Variants in GALNT17 observed in about 807,000 individuals in gnomAD.
The protein encoded by GALNT17 is UDP-GalNAc:polypeptide N-acetylgalactosaminyltransferase-like 3.
In GALNT17, 29 loss-of-function variants were observed where a neutral mutation model predicts 63.7. That is an observed-to-expected ratio of 0.46 (90% confidence interval 0.34 to 0.62). The LOEUF is 0.62. Among genes scored for constraint, GALNT17 ranks in the 20% least tolerant of loss-of-function variants. The pLI, the probability that GALNT17 is intolerant of heterozygous loss-of-function variation, is 0.01. For missense variants in GALNT17, 603 were observed against 799.6 expected (o/e 0.75, Z 2.97); for synonymous variants, 305 against 318.3 (o/e 0.96, Z 0.45).
Position 71,665,551 on chromosome 7 carries a change from C to T in GALNT17, c.1221C>T (p.Asp407=), listed in dbSNP as rs201171037. 7.4e-5 allele frequency: 119 copies of T among 1,613,908 alleles called. No individual in the cohort carries two copies. The highest frequency in any genetic ancestry group is 4.5e-4 in the East Asian group (20 of 44,850). The change falls in exon 7 of 11, where the codon GAC becomes GAT. Residue 407 remains aspartate, a synonymous_variant. Transcript: ENST00000333538. ...NALRVAEVWM[D]DYKSHVYIAW... ...TTCGCGTTGCTGAGGTCTGGATGGA[C>T]GATTACAAGTCTCATGTGTACATAG...
intron 1 of GALNT17, among the ~76,000 whole-genome samples, chr7:71,243,300 A>G (rs144051520): frequency 2.6e-5 from 4 of 152,124 alleles, no homozygotes; most frequent in Non-Finnish European, 4.4e-5. Context: ...TCTTTTCTCT[A>G]TAAATTACCT....
At chr7:71,142,012 C>CTGTGTGTG (rs201770661) in intron 1 of GALNT17, among the ~76,000 whole-genome samples, 4,273 of 124,800 alleles carry the variant, frequency 0.034, 259 homozygotes, top group African/African-American at 0.12. Flanking sequence ...CCACATTTGG[C>CTGTGTGTG]TGTGTGTGTG....
intron 2 of GALNT17, among the ~76,000 whole-genome samples, chr7:71,359,072 G>A (rs928834440): frequency 6.6e-6 from 1 of 152,154 alleles, no homozygotes; most frequent in Admixed American, 6.6e-5. Context: ...TAATTTTGTT[G>A]ATTTGCAATG....
chr7:71,622,340 G>C (rs1790306122), intron 6 of GALNT17, among the ~76,000 whole-genome samples: 2 of 152,174 alleles, frequency 1.3e-5, no homozygotes, highest in South Asian at 2.1e-4. Context: ...ACTCTTCCAA[G>C]TGTTAAGTGC....
At chr7:71,242,255 T>C (rs1397254389) in intron 1 of GALNT17, among the ~76,000 whole-genome samples, 1 of 133,866 alleles carries the variant, frequency 7.5e-6, no homozygotes, top group African/African-American at 3.0e-5. Context: ...TTTTTTTTTT[T>C]TTTTCTTTTT....
At chr7:71,171,585 G>A (rs1348649734) in intron 1 of GALNT17, among the ~76,000 whole-genome samples, 1 of 152,228 alleles carries the variant, frequency 6.6e-6, no homozygotes, top group Non-Finnish European at 1.5e-5. Context: ...GGAATTTGTT[G>A]TGTAGTGCCA....
intron 6 of GALNT17, among the ~76,000 whole-genome samples, chr7:71,622,670 C>T (rs1384466510): frequency 6.6e-6 from 1 of 152,168 alleles, no homozygotes; most frequent in Non-Finnish European, 1.5e-5. Flanking sequence ...CTCTGTCACT[C>T]CTGTTTGTAG....
Position 71,708,455 on chromosome 7 carries a change from C to CA in GALNT17, c.1501-2306_1501-2305insA, listed in dbSNP as rs1554327196. On this transcript the variant is annotated intron_variant, in intron 9 of 10. Transcript: ENST00000333538. ...CCTTCATGAATCAATTACCTCCCACCGGTCCCTCCCACAACACATGAGGAT... is the reference window on the plus strand; with the variant it reads ...CCTTCATGAATCAATTACCTCCCACCAGGTCCCTCCCACAACACATGAGGAT... Among the ~76,000 whole-genome samples the CA allele has an allele frequency of 5.3e-5, 8 of 152,196 alleles. No individual in the cohort carries two copies. The East Asian group carries it at 5.8e-4, about 11-fold the overall frequency.
chr7:71,201,350 C>G (rs1186107756), intron 1 of GALNT17, among the ~76,000 whole-genome samples: 1 of 151,274 alleles, frequency 6.6e-6, no homozygotes, highest in Non-Finnish European at 1.5e-5. Flanking sequence ...TTTCTGGCCT[C>G]ATAATACTGA....
chr7:71,427,503 C>G (rs949549357), intron 5 of GALNT17, among the ~76,000 whole-genome samples: 11 of 152,036 alleles, frequency 7.2e-5, no homozygotes, highest in Non-Finnish European at 8.8e-5. Context: ...ATCTGAACCT[C>G]CAGGTTGCTT....
intron 1 of GALNT17, among the ~76,000 whole-genome samples, chr7:71,166,351 G>T (rs993660580): frequency 6.6e-6 from 1 of 152,112 alleles, no homozygotes; most frequent in Non-Finnish European, 1.5e-5. Context: ...TTTTATTGAG[G>T]TATAATTGAC....
intron 5 of GALNT17, among the ~76,000 whole-genome samples, chr7:71,507,376 A>C (rs1788285679): frequency 6.6e-6 from 1 of 152,222 alleles, no homozygotes; most frequent in Non-Finnish European, 1.5e-5. Flanking sequence ...TTATTTTTTT[A>C]TATACAATGA....
chr7:71,403,791 C>T (rs1583922694), intron 3 of GALNT17, among the ~76,000 whole-genome samples: 1 of 152,128 alleles, frequency 6.6e-6, no homozygotes, highest in Admixed American at 6.5e-5. Context: ...CAAGCACCAG[C>T]GTGTAACCCT....
intron 2 of GALNT17, among the ~76,000 whole-genome samples, chr7:71,360,655 G>A (rs1421968071): frequency 5.3e-5 from 8 of 152,158 alleles, no homozygotes; most frequent in Admixed American, 1.3e-4. Context: ...GATAGCCAGC[G>A]GGTGCAGTGG....
At chr7:71,474,966 G>A (rs1787699482) in intron 5 of GALNT17, among the ~76,000 whole-genome samples, 1 of 152,066 alleles carries the variant, frequency 6.6e-6, no homozygotes, top group African/African-American at 2.4e-5. Context: ...GAGACTGAAG[G>A]GATGCAGCCG....
At chr7:71,234,395 A>C (rs751935964) in intron 1 of GALNT17, among the ~76,000 whole-genome samples, 20 of 151,998 alleles carry the variant, frequency 1.3e-4, no homozygotes, top group Non-Finnish European at 2.8e-4. Flanking sequence ...CCAAGTAGCT[A>C]GATTACAGGC....
intron 1 of GALNT17, among the ~76,000 whole-genome samples, chr7:71,198,197 CAAAAA>C (rs755388218): frequency 1.3e-5 from 1 of 77,072 alleles, no homozygotes; most frequent in Admixed American, 1.4e-4. Flanking sequence ...GACTCTGTCT[CAAAAA>C]AAAAAAAAAA....
intron 1 of GALNT17, among the ~76,000 whole-genome samples, chr7:71,238,129 A>G (rs978704312): frequency 1.3e-5 from 2 of 152,208 alleles, no homozygotes; most frequent in Non-Finnish European, 2.9e-5. Context: ...CCCCTGTGGC[A>G]CAGAGCACAT....
chr7:71,540,909 T>C (rs1788878869), intron 5 of GALNT17, among the ~76,000 whole-genome samples: 1 of 152,122 alleles, frequency 6.6e-6, no homozygotes, highest in African/African-American at 2.4e-5. Context: ...TTGCCTGCCC[T>C]GGATTCTTTA....
Sources: allele counts gnomAD v4.1 joint callset (sites outside exome capture counted in the v4.1 genomes callset), GRCh38; gene constraint gnomAD v4.1.1; transcripts MANE v1.5; gene names NCBI Gene and HGNC (gene_info 2026-07-23, HGNC 2026-07-21).